COP1: variants seen among roughly 807,000 people sequenced by gnomAD.
COP1 encodes the protein E3 ubiquitin-protein ligase COP1.
A neutral mutation model predicts 101.3 loss-of-function variants in COP1; 24 were observed. That is an observed-to-expected ratio of 0.24 (90% confidence interval 0.17 to 0.33). The LOEUF is 0.33. COP1 is among the 10% of genes least tolerant of loss of function. The pLI, the probability that COP1 is intolerant of heterozygous loss-of-function variation, is 1.00. For synonymous variants in COP1, 347 were observed against 341.9 expected, an observed-to-expected ratio of 1.01 and a Z score of -0.17; for missense variants, 663 against 906.2, an observed-to-expected ratio of 0.73 and a Z score of 3.45.
intron 11 of COP1, among the ~76,000 whole-genome samples, chr1:176,072,023 T>G (rs927398875): frequency 6.6e-6 from 1 of 152,222 alleles, no homozygotes. Flanking sequence ...AGTTTAAGCT[T>G]AGATTGTTTG....
At chr1:176,131,961 C>T (rs909013870) in intron 8 of COP1, among the ~76,000 whole-genome samples, 1 of 151,554 alleles carries the variant, frequency 6.6e-6, no homozygotes. Flanking sequence ...GACAGCTTTG[C>T]AAGCAATTTT....
chr1:176,183,719 T>C (rs894618342), intron 2 of COP1, among the ~76,000 whole-genome samples: 5 of 152,180 alleles, frequency 3.3e-5, no homozygotes, highest in Admixed American at 2.0e-4. Context: ...TGTATACTGA[T>C]AGATGAATAA....
chr1:175,978,689 T>G (rs1465143927), intron 18 of COP1, among the ~76,000 whole-genome samples: 2 of 152,080 alleles, frequency 1.3e-5, no homozygotes, highest in Non-Finnish European at 2.9e-5. Context: ...ATTGGCCCTC[T>G]TCCAGTCAGG....
intron 14 of COP1, among the ~76,000 whole-genome samples, chr1:176,028,129 C>G (rs1318101651): frequency 6.6e-6 from 1 of 152,108 alleles, no homozygotes. Flanking sequence ...TTATCTCCAC[C>G]TGGCCCCATC....
intron 18 of COP1, among the ~76,000 whole-genome samples, chr1:175,950,940 A>C (rs1393061376): frequency 6.6e-6 from 1 of 152,206 alleles, no homozygotes; most frequent in Non-Finnish European, 1.5e-5. Context: ...AAAAAGGGTC[A>C]TTATAGACAA....
chr1:176,093,293 T>A (rs2502831), intron 9 of COP1, among the ~76,000 whole-genome samples: 41,261 of 152,128 alleles, frequency 0.27, 6,716 homozygotes, highest in East Asian at 0.52. Context: ...AGAAGCCAGT[T>A]CCATAAAAGT....
At chr1:175,996,649 C>T (rs375468853) in intron 15 of COP1, among the ~76,000 whole-genome samples, 94 of 152,096 alleles carry the variant, frequency 6.2e-4, no homozygotes, top group East Asian at 5.8e-4. Flanking sequence ...CCATTCACAA[C>T]TGCTTCAAAG....
chr1:176,128,690 T>C (rs1327314914), intron 8 of COP1, among the ~76,000 whole-genome samples: 2 of 152,018 alleles, frequency 1.3e-5, no homozygotes, highest in Non-Finnish European at 2.9e-5. Context: ...TATTAAATTG[T>C]ATACAGATAA....
intron 18 of COP1, among the ~76,000 whole-genome samples, chr1:175,955,762 C>CA (rs1650546264): frequency 9.0e-5 from 1 of 11,090 alleles, no homozygotes; most frequent in African/African-American, 1.9e-4. Flanking sequence ...CATTTAGAGA[C>CA]AAACCACACA....
chr1:175,978,623 T>C (rs1256247246), intron 18 of COP1, among the ~76,000 whole-genome samples: 1 of 152,090 alleles, frequency 6.6e-6, no homozygotes, highest in Non-Finnish European at 1.5e-5. Context: ...GAAGTCAGGG[T>C]CCATGCTCAG....
At chr1:176,197,882 C>A (rs1410904266) in intron 1 of COP1, among the ~76,000 whole-genome samples, 1 of 151,742 alleles carries the variant, frequency 6.6e-6, no homozygotes, top group African/African-American at 2.4e-5. Flanking sequence ...AATTAGAAAT[C>A]GAAATTAAAA....
chr1:175,967,015 C>G (rs1394028157), intron 18 of COP1, among the ~76,000 whole-genome samples: 1 of 152,192 alleles, frequency 6.6e-6, no homozygotes, highest in Non-Finnish European at 1.5e-5. Flanking sequence ...AATCCCAAAT[C>G]TCTTCTTTCT....
intron 11 of COP1, among the ~76,000 whole-genome samples, chr1:176,066,465 A>C (rs1035262203): frequency 3.3e-5 from 5 of 152,138 alleles, no homozygotes; most frequent in Non-Finnish European, 7.4e-5. Context: ...ATGGGCAAAG[A>C]CTTTGCCCAT....
At chr1:176,063,047 G>GTTTTTTTTTTTTTTTTTTTTTTTTTT (rs34464104) in intron 11 of COP1, among the ~76,000 whole-genome samples, 1 of 90,590 alleles carries the variant, frequency 1.1e-5, no homozygotes, top group Non-Finnish European at 2.0e-5. Context: ...TTTTGAAAAT[G>GTTTTTTTTTTTTTTTTTTTTTTTTTT]TTTTTTTTTT....
chr1:176,026,023 A>G (rs949558274), intron 15 of COP1, among the ~76,000 whole-genome samples: 36 of 152,194 alleles, frequency 2.4e-4, no homozygotes, highest in Admixed American at 3.3e-4. Flanking sequence ...AAGAATCCCA[A>G]AAGAATTTTT....
At chr1:176,029,158 T>C (rs1471350838) in intron 14 of COP1, among the ~76,000 whole-genome samples, 1 of 152,210 alleles carries the variant, frequency 6.6e-6, no homozygotes, top group African/African-American at 2.4e-5. Context: ...GTTCTTATTT[T>C]ATCTTTCAAT....
At chr1:176,198,821 A>G (rs1699981147) in intron 1 of COP1, among the ~76,000 whole-genome samples, 1 of 152,192 alleles carries the variant, frequency 6.6e-6, no homozygotes, top group Admixed American at 6.5e-5. Context: ...ACATTTCACA[A>G]AAGATATGCA....
chr1:175,994,776 A>G (rs1659664164), intron 15 of COP1, among the ~76,000 whole-genome samples: 1 of 152,182 alleles, frequency 6.6e-6, no homozygotes, highest in Non-Finnish European at 1.5e-5. Flanking sequence ...AGAGACTTAG[A>G]CTCCCACACA....
At chr1:176,033,286 G>A (rs991011794) in intron 14 of COP1, among the ~76,000 whole-genome samples, 3 of 152,104 alleles carry the variant, frequency 2.0e-5, no homozygotes, top group Non-Finnish European at 4.4e-5. Flanking sequence ...TCGGGGCGAG[G>A]GTGGGGGGAA....
Sources: allele counts gnomAD v4.1 joint callset (sites outside exome capture counted in the v4.1 genomes callset), GRCh38; gene constraint gnomAD v4.1.1; transcripts MANE v1.5; gene names NCBI Gene and HGNC (gene_info 2026-07-23, HGNC 2026-07-21).